The following METTL2B variants were observed in gnomAD, a reference collection of about 807,000 sequenced individuals.
The protein encoded by METTL2B is tRNA N(3)-cytidine methyltransferase METTL2B.
In METTL2B, 28 loss-of-function variants were observed where a neutral mutation model predicts 51.0. The ratio of observed to expected loss-of-function variants is 0.55; its 90% CI spans 0.41 to 0.75. METTL2B has a LOEUF of 0.75. METTL2B is among the 30% of genes least tolerant of loss of function. The pLI, the probability that METTL2B is intolerant of heterozygous loss-of-function variation, is 0.00. For synonymous variants in METTL2B, 128 were observed against 166.3 expected (o/e 0.77, Z 1.77); for missense variants, 313 against 460.7 (o/e 0.68, Z 2.93).
rs888256411 is a variant in METTL2B at position 128,490,517 on chromosome 7, T to C, written c.669+2356T>C. ...CTCAAAGCAATAAAGTAGAATGTCATAGAACCTAAGGGCACAAAATACAGC... is the reference window on the plus strand; with the variant it reads ...CTCAAAGCAATAAAGTAGAATGTCACAGAACCTAAGGGCACAAAATACAGC... On this transcript the variant is annotated intron_variant, in intron 5 of 8. Transcript: ENST00000262432. Among the ~76,000 whole-genome samples, 105 of 152,144 alleles carry C rather than the reference T, an allele frequency of 6.9e-4. 3 individuals carry two copies. Among genetic ancestry groups the C allele is most frequent in the Non-Finnish European group, 1.5e-4 (10 of 68,028 alleles).
intron 7 of METTL2B, among the ~76,000 whole-genome samples, chr7:128,500,630 T>A (rs947795776): frequency 2.8e-5 from 4 of 141,796 alleles, no homozygotes; most frequent in African/African-American, 7.5e-5. Flanking sequence ...TCAAAAAAAA[T>A]AAATAAATAA....
chr7:128,484,218 T>TTTTTTTTTTTTTTTTTTTTG (rs1792644151), intron 4 of METTL2B: 1 of 42,188 alleles, frequency 2.4e-5, no homozygotes, highest in Non-Finnish European at 4.5e-5. Context: ...GCCTAGATCC[T>TTTTTTTTTTTTTTTTTTTTG]TTTTTTTTTT....
chr7:128,477,150 A>C lies in METTL2B; in HGVS notation c.179A>C (p.Gln60Pro). The C allele has an allele frequency of 6.2e-7, 1 of 1,613,890 alleles. No individual in the cohort carries two copies. Among genetic ancestry groups the C allele is most frequent in the South Asian group, 1.1e-5 (1 of 91,054 alleles). ...AGAAAAGTCCAGGAGAACAGTATCC[A>C]GCGGGTGTGCCAGGAGAAACAAGGT... Reference protein sequence around the residue: ...AERKVQENSIQRVCQEKQVDY... With the variant: ...AERKVQENSIPRVCQEKQVDY... Residue 60 changes from glutamine (Q) to proline (P), a missense_variant, in exon 2 of 9, where the codon CAG becomes CCG. Physicochemically the swap from Gln to Pro is moderately conservative, Grantham distance 76. This residue lies in a region of METTL2B where 67 missense variants were observed against 101.4 expected (regional missense o/e 0.66). Coordinates refer to ENST00000262432, the MANE Select transcript of METTL2B (RefSeq NM_018396.3).
intron 4 of METTL2B, among the ~76,000 whole-genome samples, chr7:128,481,691 A>G (rs1483438567): frequency 2.0e-5 from 3 of 152,228 alleles, no homozygotes; most frequent in African/African-American, 7.2e-5. Context: ...CATCCCGACT[A>G]GAGCACAGTG....
intron 5 of METTL2B, among the ~76,000 whole-genome samples, chr7:128,491,656 C>T (rs1016298520): frequency 3.4e-5 from 5 of 147,980 alleles, no homozygotes; most frequent in Non-Finnish European, 5.9e-5. Context: ...ATCCCAGCTA[C>T]TGGGGAGGCT....
intron 8 of METTL2B, 158 bp downstream of exon 8, chr7:128,501,126 A>G (rs577068899): frequency 1.7e-5 from 17 of 985,366 alleles, no homozygotes; most frequent in East Asian, 1.1e-4. Flanking sequence ...GGGCTAGGCT[A>G]CCCATGGCAG....
At chr7:128,499,574 A>C (rs1792989093) in intron 7 of METTL2B, among the ~76,000 whole-genome samples, 1 of 134,874 alleles carries the variant, frequency 7.4e-6, no homozygotes. Flanking sequence ...GCTGAAGCGC[A>C]ATGGCACGAT....
intron 4 of METTL2B, among the ~76,000 whole-genome samples, chr7:128,485,872 C>T (rs549690765): frequency 3.9e-5 from 6 of 152,074 alleles, no homozygotes; most frequent in African/African-American, 1.4e-4. Flanking sequence ...TTATATTAGG[C>T]GTTATAGATG....
In METTL2B at chr7:128,505,072, G is replaced by A. The variant is rs1793102327; in HGVS notation, c.*3156G>A. ...AGATGGCGCCATTGCACTCCAGCCT[G>A]GGCAACAAGAGTGAAACTCCGTCTC... On this transcript the variant is annotated 3_prime_UTR_variant, in exon 9 of 9. Transcript: ENST00000262432. 6.7e-6 allele frequency: 1 copy of A among 148,784 alleles called. No homozygotes were observed. Among genetic ancestry groups the A allele is most frequent in the Non-Finnish European group, 1.5e-5 (1 of 67,672 alleles). 9.2% of individuals were successfully genotyped at this position (148,784 alleles called of 1,614,324 possible).
At chr7:128,489,310 C>T (rs968728659) in intron 5 of METTL2B, among the ~76,000 whole-genome samples, 1 of 151,476 alleles carries the variant, frequency 6.6e-6, no homozygotes, top group Admixed American at 6.6e-5. Flanking sequence ...GTGGTGGGCA[C>T]CTGTAGTCAC....
At position 128,506,491 on chromosome 7, in the gene METTL2B, G is replaced by A. The variant is rs554742189; in HGVS notation, c.*4575G>A. 1.3e-5 allele frequency: 2 copies of A among 152,186 alleles called. No individual in the cohort carries two copies. The highest frequency in any genetic ancestry group is 2.9e-5 in the Non-Finnish European group (2 of 68,026). The allele number at this position is 152,186 out of a possible 1,614,324, so 9.4% of individuals were successfully genotyped here. A position where few individuals can be genotyped will look rare whatever the true frequency, so the allele number is the denominator to read the frequency against. ...GACTCTGTAAGGGACTTTGCATAAC[G>A]TTTCATCCTCAGAATCGCTAATGAT... On this transcript the variant is annotated 3_prime_UTR_variant, in exon 9 of 9. Transcript: ENST00000262432.
In METTL2B at chr7:128,503,282, A is replaced by C. The variant is rs1355660468; in HGVS notation, c.*1366A>C. The C allele has an allele frequency of 1.3e-5, 2 of 152,000 alleles. No homozygotes were observed. The highest frequency in any genetic ancestry group is 2.9e-5 in the Non-Finnish European group (2 of 68,056). 9.4% of individuals were successfully genotyped at this position (152,000 alleles called of 1,614,324 possible). A position where few individuals can be genotyped will look rare whatever the true frequency, so the allele number is the denominator to read the frequency against. On this transcript the variant is annotated 3_prime_UTR_variant, in exon 9 of 9. Coordinates refer to ENST00000262432, the MANE Select transcript of METTL2B (RefSeq NM_018396.3). ...GCAACAGAGGAAGACTCTGTCTCAAAAAAATAAAAGAAAAGAATTTTCACT... is the reference window on the plus strand; with the variant it reads ...GCAACAGAGGAAGACTCTGTCTCAACAAAATAAAAGAAAAGAATTTTCACT...
chr7:128,480,144 G>A (rs572142332), intron 3 of METTL2B, among the ~76,000 whole-genome samples: 6 of 152,314 alleles, frequency 3.9e-5, no homozygotes, highest in East Asian at 1.9e-4. Flanking sequence ...TGCTGCCTCT[G>A]CACCTTATAC....
chr7:128,490,903 C>G (rs1171681019), intron 5 of METTL2B, among the ~76,000 whole-genome samples: 1 of 152,178 alleles, frequency 6.6e-6, no homozygotes, highest in Non-Finnish European at 1.5e-5. Flanking sequence ...TGGCTCACAC[C>G]TGTCATCCCA....
At chr7:128,499,044 T>A (rs1356728975) in intron 7 of METTL2B, among the ~76,000 whole-genome samples, 2 of 150,916 alleles carry the variant, frequency 1.3e-5, no homozygotes, top group Admixed American at 1.3e-4. Context: ...ATTTTAAATG[T>A]GGCATGACAA....
chr7:128,500,058 C>T (rs1414057363), intron 7 of METTL2B, among the ~76,000 whole-genome samples: 2 of 151,968 alleles, frequency 1.3e-5, no homozygotes, highest in Non-Finnish European at 2.9e-5. Context: ...TAAACTCCAT[C>T]CCCGTATACC....
chr7:128,488,495 G>A, intron 5 of METTL2B: 1 of 498,996 alleles, frequency 2.0e-6, no homozygotes, highest in Non-Finnish European at 4.1e-6. Context: ...TTACTATTAT[G>A]TATGTTATAG....
chr7:128,492,869 G>A (rs1456772473), intron 5 of METTL2B, among the ~76,000 whole-genome samples: 1 of 151,476 alleles, frequency 6.6e-6, no homozygotes, highest in Admixed American at 6.6e-5. Flanking sequence ...GCGCGCCTCG[G>A]CCTCCCAAAG....
chr7:128,497,739 T>C (rs1792949624), intron 6 of METTL2B, among the ~76,000 whole-genome samples: 1 of 152,104 alleles, frequency 6.6e-6, no homozygotes, highest in African/African-American at 2.4e-5. Context: ...TGCCTCAGCC[T>C]CCCAAAATGG....
Sources: gnomAD v4.1 joint callset for allele counts (sites outside exome capture counted in the v4.1 genomes callset) on GRCh38, gnomAD v4.1.1 for gene constraint, gnomAD v4.1.1 regional missense constraint, MANE v1.5 for transcripts, NCBI Gene and HGNC (gene_info 2026-07-23, HGNC 2026-07-21) for gene names.